PPP5C: variants seen among roughly 807,000 people sequenced by gnomAD.
PPP5C encodes the protein serine/threonine-protein phosphatase 5.
PPP5C carries 21 observed loss-of-function variants against 66.7 expected under a neutral mutation model. The observed-to-expected ratio is 0.31, with a 90% CI of 0.22 to 0.45. The LOEUF is 0.45. Among genes scored for constraint, PPP5C ranks in the 20% least tolerant of loss-of-function variants. The probability of loss-of-function intolerance (pLI) is 1.00; values close to 1 mark genes in which losing one functional copy is unlikely to be tolerated. For synonymous variants in PPP5C, 246 were observed against 257.4 expected, an observed-to-expected ratio of 0.96 and a Z score of 0.43; for missense variants, 464 against 675.9, an observed-to-expected ratio of 0.69 and a Z score of 3.48.
In PPP5C at chr19:46,356,296, A is replaced by G. The variant is rs1035855968; in HGVS notation, c.363+2307A>G. ...GCTTACCTGTCATCAGGCCATCCAT[A>G]TGCCTGCAGGCCTTCAGCCTTGCTC... is the stretch of plus-strand genomic sequence containing the variant. On this transcript the variant is annotated intron_variant, in intron 2 of 12. Coordinates refer to ENST00000012443, the MANE Select transcript of PPP5C (RefSeq NM_006247.4). 2.0e-5 allele frequency among the ~76,000 whole-genome samples: 3 copies of G among 152,324 alleles called. No individual in the cohort carries two copies. In the East Asian group the frequency reaches 5.8e-4, roughly 29 times the overall value.
At position 46,381,204 on chromosome 19, in the gene PPP5C, GTTTT is replaced by G. The variant is rs111985520; in HGVS notation, c.634-2202_634-2199del. 2.3e-4 allele frequency among the ~76,000 whole-genome samples: 35 copies of G among 151,696 alleles called. 2 individuals carry two copies. In the South Asian group the frequency reaches 5.8e-3, roughly 25 times the overall value. ...ATTGGTAGCATTTTCATTTAGTTGT[GTTTT>G]TTTTAATAGACTTTTCATCTCTGTG... On this transcript the variant is annotated intron_variant, in intron 4 of 12. Transcript: ENST00000012443.
chr19:46,354,058 C>T lies in PPP5C; in HGVS notation c.363+69C>T, dbSNP rs560751755. ...ATACTGAGGGCTGGGCTGGCGGGGA[C>T]GGGTGTGAGGAGCCATTCACTCCTC... On this transcript the variant is annotated intron_variant, in intron 2 of 12. Transcript: ENST00000012443. 1.9e-5 allele frequency: 29 copies of T among 1,560,946 alleles called. No individual in the cohort carries two copies. The Admixed American group carries it at 2.4e-4, about 13-fold the overall frequency.
Position 46,390,078 on chromosome 19 carries a change from C to T in PPP5C, c.1383C>T (p.Tyr461=), listed in dbSNP as rs1016123316. 4 of 1,614,102 alleles carry T rather than the reference C, an allele frequency of 2.5e-6. No homozygotes were observed. The highest frequency in any genetic ancestry group is 4.5e-5 in the East Asian group (2 of 44,900). The change falls in exon 12 of 13, where the codon TAC becomes TAT. Residue 461 remains tyrosine (Y), a synonymous_variant. Coordinates refer to ENST00000012443, the MANE Select transcript of PPP5C (RefSeq NM_006247.4). ...YCDQMGNKAS[Y]IHLQGSDLRP... ...ACCAGATGGGGAACAAAGCCTCCTACATCCACCTCCAGGGCTCTGACCTAC... is the reference window on the plus strand; with the variant it reads ...ACCAGATGGGGAACAAAGCCTCCTATATCCACCTCCAGGGCTCTGACCTAC...
chr19:46,354,176 T>C (rs1448065765), intron 2 of PPP5C, among the ~76,000 whole-genome samples, 187 bp downstream of exon 2: 1 of 152,226 alleles, frequency 6.6e-6, no homozygotes, highest in African/African-American at 2.4e-5. Context: ...ATCTCACATT[T>C]TGTGACCCTG....
At chr19:46,384,353 C>T (rs1446860345) in intron 6 of PPP5C, 2 of 250,580 alleles carry the variant, frequency 8.0e-6, no homozygotes, top group African/African-American at 4.4e-5. Context: ...GCCTGGCCCA[C>T]ACCTGATGCT....
intron 2 of PPP5C, among the ~76,000 whole-genome samples, chr19:46,355,699 G>A (rs987989218): frequency 6.6e-5 from 10 of 152,188 alleles, no homozygotes; most frequent in Non-Finnish European, 1.3e-4. Flanking sequence ...GGTGACAAGA[G>A]GAGTGGCCGC....
In PPP5C at chr19:46,390,743, G is replaced by C. The variant is rs940607799; in HGVS notation, c.*397G>C. The C allele has an allele frequency of 4.9e-5, 55 of 1,132,840 alleles. No homozygotes were observed. Among genetic ancestry groups the C allele is most frequent in the Non-Finnish European group, 5.6e-5 (51 of 913,892 alleles). 70.2% of individuals were successfully genotyped at this position (1,132,840 alleles called of 1,614,324 possible). The stretch of plus-strand genomic sequence containing the variant: ...GGGTCAGCAGGGGGGCCCCGCCTGC[G>C]CCTCCCCTCCTATAGCCCCATGGTG... On this transcript the variant is annotated 3_prime_UTR_variant, in exon 13 of 13. Transcript: ENST00000012443.
chr19:46,357,786 G>A (rs1972312662), intron 2 of PPP5C, among the ~76,000 whole-genome samples: 1 of 152,220 alleles, frequency 6.6e-6, no homozygotes, highest in Admixed American at 6.5e-5. Context: ...GGAGTGCAGA[G>A]CTTCCGCGCC....
Position 46,390,032 on chromosome 19 carries a change from T to G in PPP5C, c.1356-19T>G. The G allele has an allele frequency of 6.2e-7, 1 of 1,612,876 alleles. No individual in the cohort carries two copies. The highest frequency in any genetic ancestry group is 1.1e-5 in the South Asian group (1 of 91,064). ...ACCCAGCCCTGACCACACTGTCCAC[T>G]CTGCTCCTGTCCCTGCAGCGACCAG... is the stretch of plus-strand genomic sequence containing the variant. On this transcript the variant is annotated intron_variant, in intron 11 of 12. Coordinates refer to ENST00000012443, the MANE Select transcript of PPP5C (RefSeq NM_006247.4).
intron 2 of PPP5C, among the ~76,000 whole-genome samples, chr19:46,371,272 T>G (rs765470437): frequency 1.3e-5 from 2 of 152,034 alleles, no homozygotes; most frequent in Non-Finnish European, 2.9e-5. Flanking sequence ...TACATCAGAG[T>G]CCAGCACAGT....
rs566024870 is a variant in PPP5C at position 46,357,229 on chromosome 19, G to T, written c.363+3240G>T. On this transcript the variant is annotated intron_variant, in intron 2 of 12. Coordinates refer to ENST00000012443, the MANE Select transcript of PPP5C (RefSeq NM_006247.4). ...AGCCCGGGTAATTTGTGTAATTTTT[G>T]TGGAGATGGGGTTTCACCATGTTGC... Among the ~76,000 whole-genome samples, 4 of 152,226 alleles carry T rather than the reference G, an allele frequency of 2.6e-5. No individual in the cohort carries two copies. The East Asian group carries it at 7.7e-4, about 29-fold the overall frequency.
chr19:46,390,413 G>A lies in PPP5C; in HGVS notation c.*67G>A. The A allele has an allele frequency of 6.5e-7, 1 of 1,548,326 alleles. No individual in the cohort carries two copies. The highest frequency in any genetic ancestry group is 8.7e-7 in the Non-Finnish European group (1 of 1,145,668). ...CCCACCGGACCCAGGCCCTGGGCTA[G>A]GGGCAGAGCAGGCCCCGCCCCAGGG... On this transcript the variant is annotated 3_prime_UTR_variant, in exon 13 of 13. Coordinates refer to ENST00000012443, the MANE Select transcript of PPP5C (RefSeq NM_006247.4).
At chr19:46,359,401 C>T (rs1254944887) in intron 2 of PPP5C, among the ~76,000 whole-genome samples, 1 of 151,852 alleles carries the variant, frequency 6.6e-6, no homozygotes, top group Non-Finnish European at 1.5e-5. Context: ...AATGTATATG[C>T]CAGAATGAAA....
intron 6 of PPP5C, chr19:46,384,549 G>A: frequency 4.6e-6 from 2 of 433,256 alleles, no homozygotes; most frequent in South Asian, 2.4e-5. Flanking sequence ...GGCTTTCCGG[G>A]AGACAGGAGG....
chr19:46,368,256 T>C (rs1372141738), intron 2 of PPP5C, among the ~76,000 whole-genome samples: 4 of 152,222 alleles, frequency 2.6e-5, no homozygotes, highest in Non-Finnish European at 5.9e-5. Flanking sequence ...CAGGGGATTA[T>C]CGTAAGCTTC....
At chr19:46,385,099 A>G (rs1972859622) in intron 7 of PPP5C, among the ~76,000 whole-genome samples, 190 bp downstream of exon 7, 2 of 152,216 alleles carry the variant, frequency 1.3e-5, no homozygotes, top group Non-Finnish European at 2.9e-5. Flanking sequence ...TACATCATAG[A>G]TAGTGTAGAA....
At chr19:46,372,762 A>G (rs1426936394) in intron 2 of PPP5C, among the ~76,000 whole-genome samples, 1 of 152,230 alleles carries the variant, frequency 6.6e-6, no homozygotes, top group African/African-American at 2.4e-5. Context: ...ATCTGGCATA[A>G]CTACATAAAT....
chr19:46,386,525 G>A (rs1377383688), intron 7 of PPP5C, among the ~76,000 whole-genome samples: 2 of 152,162 alleles, frequency 1.3e-5, no homozygotes, highest in Non-Finnish European at 2.9e-5. Flanking sequence ...AGCTCTGGAA[G>A]GGAAGAAGGA....
chr19:46,389,405 A>T (rs1784113444), intron 11 of PPP5C, among the ~76,000 whole-genome samples: 7 of 28,842 alleles, frequency 2.4e-4, no homozygotes, highest in African/African-American at 7.0e-4. Context: ...ACACACACAC[A>T]CACACACACA....
Sources: gnomAD v4.1 joint callset for allele counts (sites outside exome capture counted in the v4.1 genomes callset) on GRCh38, gnomAD v4.1.1 for gene constraint, MANE v1.5 for transcripts, NCBI Gene and HGNC (gene_info 2026-07-23, HGNC 2026-07-21) for gene names.